NSD1: variants seen among roughly 807,000 people sequenced by gnomAD.
The protein encoded by NSD1 is nuclear receptor binding SET domain protein 1, also known as histone-lysine N-methyltransferase, H3 lysine-36 specific.
Under a neutral mutation model 242.7 loss-of-function variants are expected in NSD1, and 26 were observed. The ratio of observed to expected loss-of-function variants is 0.11; its 90% CI spans 0.08 to 0.15. The LOEUF (loss-of-function observed/expected upper bound fraction) is 0.15, where lower values mean the gene tolerates loss of function less well. Ranked by LOEUF, NSD1 falls within the 10% of genes least tolerant of loss-of-function variation. NSD1 has a pLI of 1.00. For missense variants in NSD1, 2,495 were observed against 3,272.8 expected (o/e 0.76, Z 5.80); for synonymous variants, 1,106 against 1,178.1 (o/e 0.94, Z 1.25).
intron 6 of NSD1, among the ~76,000 whole-genome samples, chr5:177,237,911 T>C (rs1210348002): frequency 6.6e-6 from 1 of 152,164 alleles, no homozygotes; most frequent in Non-Finnish European, 1.5e-5. Context: ...CCACCATCCA[T>C]CTCGATAATT....
intron 14 of NSD1, chr5:177,265,922 A>ATATC: frequency 7.0e-7 from 1 of 1,420,504 alleles, no homozygotes; most frequent in Non-Finnish European, 1.0e-6. Flanking sequence ...GACGGTGTAG[A>ATATC]TGTCTACCTC....
At chr5:177,138,444 C>T (rs34374730) in intron 2 of NSD1, among the ~76,000 whole-genome samples, 21,693 of 151,742 alleles carry the variant, frequency 0.14, 2,019 homozygotes, top group East Asian at 0.51. Context: ...TTATTAGAGA[C>T]GAGGTTTCAC....
intron 2 of NSD1, among the ~76,000 whole-genome samples, chr5:177,138,535 C>A (rs1756540497): frequency 6.6e-6 from 1 of 151,184 alleles, no homozygotes; most frequent in Non-Finnish European, 1.5e-5. Flanking sequence ...GGATTACAGG[C>A]GTGAGCCACC....
chr5:177,147,500 T>C (rs1001026971), intron 2 of NSD1, among the ~76,000 whole-genome samples: 1 of 152,194 alleles, frequency 6.6e-6, no homozygotes, highest in Admixed American at 6.6e-5. Context: ...AGTCATACAG[T>C]ATGCAGCCTT....
In NSD1 at chr5:177,185,880, A is replaced by ATATATAATATATTTATATATTT. The variant is rs1554184263; in HGVS notation, c.928-5995_928-5974dup. ...TATATTATATATTTATATAATTAAT[A>ATATATAATATATTTATATATTT]TATATAATATATTTATATATTTTAT... On this transcript the variant is annotated intron_variant, in intron 2 of 22. Transcript: ENST00000439151. Among the ~76,000 whole-genome samples, 253 of 84,790 alleles carry ATATATAATATATTTATATATTT rather than the reference A, an allele frequency of 3.0e-3. 1 individual carries two copies. Among genetic ancestry groups the ATATATAATATATTTATATATTT allele is most frequent in the African/African-American group, 0.012 (234 of 19,372 alleles). 55.6% of individuals were successfully genotyped at this position (84,790 alleles called of 152,430 possible). A position where few individuals can be genotyped will look rare whatever the true frequency, so the allele number is the denominator to read the frequency against.
At chr5:177,265,318 AT>A (rs1458335717) in intron 14 of NSD1, 2 of 632,334 alleles carry the variant, frequency 3.2e-6, no homozygotes, top group African/African-American at 3.7e-5. Flanking sequence ...TAAATTATAT[AT>A]AAAGTGCCAA....
At position 177,295,142 on chromosome 5, in the gene NSD1, C is replaced by G; in HGVS notation, c.7774C>G (p.Leu2592Val). The change falls in exon 23 of 23, where the codon CTT (leucine) becomes GTT (valine). Residue 2592 changes from leucine (L) to valine (V), a missense_variant. By Grantham distance (32) the Leu-to-Val change is conservative. Transcript: ENST00000439151. The surrounding 1 kb of genome is among the most constrained non-coding windows in gnomAD (Gnocchi z 4.3). ...QMVGGQQLPA[L>V]AAKSGQSFRS... ...GGTCGGAGGCCAGCAACTACCTGCA[C>G]TTGCCGCCAAGAGTGGGCAATCTTT... The G allele has an allele frequency of 6.2e-7, 1 of 1,614,056 alleles. No individual in the cohort carries two copies. The highest frequency in any genetic ancestry group is 8.5e-7 in the Non-Finnish European group (1 of 1,179,908).
At chr5:177,283,720 T>C (rs910914588) in intron 19 of NSD1, 67 bp from the exon 20 acceptor site, 5 of 1,541,256 alleles carry the variant, frequency 3.2e-6, no homozygotes, top group African/African-American at 2.7e-5. Context: ...TTAGAGAGAA[T>C]AGTCAAATTT....
At chr5:177,172,283 A>C (rs1370474658) in intron 2 of NSD1, among the ~76,000 whole-genome samples, 4 of 152,020 alleles carry the variant, frequency 2.6e-5, no homozygotes, top group Non-Finnish European at 5.9e-5. Context: ...CCAAGGTGGG[A>C]GAATTTCTTG....
chr5:177,141,103 A>G (rs898287043), intron 2 of NSD1, among the ~76,000 whole-genome samples: 1 of 151,782 alleles, frequency 6.6e-6, no homozygotes. Flanking sequence ...GCTCACTGCA[A>G]CCTCTGCCTC....
At chr5:177,275,137 G>C (rs1303712990) in intron 17 of NSD1, among the ~76,000 whole-genome samples, 1 of 151,406 alleles carries the variant, frequency 6.6e-6, no homozygotes, top group Non-Finnish European at 1.5e-5. Context: ...ATTGGATCGA[G>C]CATAGTTAAA....
intron 2 of NSD1, among the ~76,000 whole-genome samples, chr5:177,170,967 C>CATTTTTGTCA (rs1348921158): frequency 1.3e-5 from 2 of 150,510 alleles, no homozygotes; most frequent in Non-Finnish European, 1.5e-5. Context: ...AATTTTAGCA[C>CATTTTTGTCA]ATTTTTGTCA....
At chr5:177,255,774 G>A (rs948311766) in intron 12 of NSD1, among the ~76,000 whole-genome samples, 4 of 151,870 alleles carry the variant, frequency 2.6e-5, no homozygotes, top group African/African-American at 9.7e-5. Flanking sequence ...TAGTAGAGAC[G>A]GTGTCTCACT....
Position 177,165,787 on chromosome 5 carries a change from T to A in NSD1, c.928-26097T>A, listed in dbSNP as rs189358302. 3.1e-3 allele frequency among the ~76,000 whole-genome samples: 472 copies of A among 152,188 alleles called. 1 individual carries two copies. The highest frequency in any genetic ancestry group is 4.7e-3 in the Non-Finnish European group (322 of 67,990). ...CAAATCACTGTTGTTGTTGTTGTTGTTGTTATAGCCATAGGCTCCCACTGT... is the reference window on the plus strand; with the variant it reads ...CAAATCACTGTTGTTGTTGTTGTTGATGTTATAGCCATAGGCTCCCACTGT... On this transcript the variant is annotated intron_variant, in intron 2 of 22. Coordinates refer to ENST00000439151, the MANE Select transcript of NSD1 (RefSeq NM_022455.5).
intron 2 of NSD1, among the ~76,000 whole-genome samples, chr5:177,184,351 A>T (rs1051650098): frequency 6.6e-6 from 1 of 151,904 alleles, no homozygotes; most frequent in Non-Finnish European, 1.5e-5. Context: ...TTTGATTTGC[A>T]TTTCTCTGAT....
At chr5:177,227,865 T>C (rs1764751255) in intron 5 of NSD1, among the ~76,000 whole-genome samples, 1 of 151,930 alleles carries the variant, frequency 6.6e-6, no homozygotes, top group Non-Finnish European at 1.5e-5. Context: ...GGAGAATTGC[T>C]TGAACCCAGG....
chr5:177,273,648 G>T, intron 16 of NSD1, 24 bp from the exon 17 acceptor site: 1 of 1,537,030 alleles, frequency 6.5e-7, no homozygotes, highest in South Asian at 1.1e-5. Context: ...ATTTTGAAGT[G>T]ACTTGTGCTG....
intron 5 of NSD1, 135 bp from the exon 6 acceptor site, chr5:177,235,686 G>A (rs760803580): frequency 1.3e-5 from 15 of 1,147,104 alleles, no homozygotes; most frequent in Middle Eastern, 2.0e-4. Flanking sequence ...TGTGCCTCTT[G>A]CATCTTAAGC....
At chr5:177,270,057 A>T (rs1419525877) in intron 16 of NSD1, among the ~76,000 whole-genome samples, 1 of 152,134 alleles carries the variant, frequency 6.6e-6, no homozygotes. Context: ...TCAGCATTCC[A>T]TCAAATAATG....
Sources: gnomAD v4.1 joint callset for allele counts (sites outside exome capture counted in the v4.1 genomes callset) on GRCh38, gnomAD v4.1.1 for gene constraint, Gnocchi (gnomAD v3.1) non-coding constraint, MANE v1.5 for transcripts, NCBI Gene and HGNC (gene_info 2026-07-23, HGNC 2026-07-21) for gene names.